TMEM272: variants seen among roughly 807,000 people sequenced by gnomAD.
TMEM272 encodes the protein transmembrane protein 272, also known as long intergenic non-protein coding RNA 282.
A neutral mutation model predicts 3.7 loss-of-function variants in TMEM272; 8 were observed. The ratio of observed to expected loss-of-function variants is 2.17; its 90% CI spans 1.27 to 3.91. The LOEUF is 3.91. TMEM272 is among the 30% of genes most tolerant of loss of function. The pLI is 0.00. For missense variants in TMEM272, 166 were observed against 91.5 expected, an observed-to-expected ratio of 1.81 and a Z score of -3.32; for synonymous variants, 63 against 39.8, an observed-to-expected ratio of 1.58 and a Z score of -2.20.
intron 1 of TMEM272, among the ~76,000 whole-genome samples, chr13:51,839,375 G>A (rs1956242341): frequency 6.6e-6 from 1 of 152,220 alleles, no homozygotes; most frequent in South Asian, 2.1e-4. Context: ...TTGTTCCTGA[G>A]GCTGGGTGTG....
the TMEM272 span, among the ~76,000 whole-genome samples, chr13:51,864,446 G>T: frequency 1.3e-5 from 2 of 152,170 alleles, no homozygotes; most frequent in Non-Finnish European, 2.9e-5. Context: ...CTAGACAATG[G>T]CATTTAGTCT....
intron 2 of TMEM272, among the ~76,000 whole-genome samples, chr13:51,833,785 T>C (rs909700407): frequency 2.0e-5 from 3 of 152,172 alleles, no homozygotes; most frequent in African/African-American, 7.2e-5. Context: ...GTAAGAAATA[T>C]TGGACCCTTC....
the TMEM272 span, among the ~76,000 whole-genome samples, chr13:51,898,303 A>C: frequency 6.6e-6 from 1 of 152,126 alleles, no homozygotes; most frequent in African/African-American, 2.4e-5. Context: ...ATGCAGAAAT[A>C]CAAGAAACTC....
chr13:51,930,537 A>C, the TMEM272 span: 1 of 152,244 alleles, frequency 6.6e-6, no homozygotes, highest in African/African-American at 2.4e-5. Context: ...TCCAATACCA[A>C]ATCAGCTTCC....
intron 1 of TMEM272, among the ~76,000 whole-genome samples, chr13:51,840,958 G>A (rs758603461): frequency 4.6e-5 from 7 of 152,164 alleles, no homozygotes; most frequent in South Asian, 2.1e-4. Context: ...GTGCACATCC[G>A]TTTGTTACAT....
At chr13:51,926,669 G>T in the TMEM272 span, among the ~76,000 whole-genome samples, 1 of 151,668 alleles carries the variant, frequency 6.6e-6, no homozygotes, top group Non-Finnish European at 1.5e-5. Context: ...GTGTGCATGT[G>T]CGCGCACGCA....
At chr13:51,817,197 G>A (rs1956040130) in intron 4 of TMEM272, 84 bp from the exon 5 acceptor site, 2 of 629,092 alleles carry the variant, frequency 3.2e-6, no homozygotes, top group Admixed American at 4.9e-5. Context: ...GCGGTGGTGG[G>A]GTGTTGGCAG....
At chr13:51,880,994 G>T in the TMEM272 span, among the ~76,000 whole-genome samples, 2 of 152,230 alleles carry the variant, frequency 1.3e-5, no homozygotes, top group Admixed American at 1.3e-4. Flanking sequence ...AGAATGTTGG[G>T]AAGAGGTGAC....
chr13:51,865,821 A>G, the TMEM272 span: 4 of 1,614,220 alleles, frequency 2.5e-6, no homozygotes, highest in Non-Finnish European at 3.4e-6. Context: ...AGAGACCGGA[A>G]CCTTCTTCAG....
At chr13:51,833,840 G>A (rs768283756) in intron 2 of TMEM272, among the ~76,000 whole-genome samples, 11 of 152,176 alleles carry the variant, frequency 7.2e-5, no homozygotes, top group Non-Finnish European at 1.5e-4. Context: ...CCTGAAAAGA[G>A]AGGGCAACCT....
At chr13:51,820,832 T>G (rs1490323463) in intron 4 of TMEM272, among the ~76,000 whole-genome samples, 1 of 152,150 alleles carries the variant, frequency 6.6e-6, no homozygotes, top group East Asian at 1.9e-4. Flanking sequence ...CCCAGGTAGA[T>G]CCCATGGGGA....
chr13:51,902,960 C>G, the TMEM272 span, among the ~76,000 whole-genome samples: 1 of 152,242 alleles, frequency 6.6e-6, no homozygotes, highest in African/African-American at 2.4e-5. Flanking sequence ...AAGCAGGTGG[C>G]TGCGGTGAGC....
the TMEM272 span, among the ~76,000 whole-genome samples, chr13:51,931,576 CAT>C: frequency 1.2e-4 from 18 of 152,152 alleles, no homozygotes; most frequent in African/African-American, 4.3e-4. Context: ...CACAATGGCA[CAT>C]GTGTACCTAC....
intron 1 of TMEM272, among the ~76,000 whole-genome samples, chr13:51,839,987 A>T (rs936168310): frequency 6.6e-6 from 1 of 152,236 alleles, no homozygotes; most frequent in Non-Finnish European, 1.5e-5. Flanking sequence ...GTCAGTCCCC[A>T]ACCAGAGGCA....
At chr13:51,837,946 A>C (rs965975413) in intron 2 of TMEM272, among the ~76,000 whole-genome samples, 1 of 152,218 alleles carries the variant, frequency 6.6e-6, no homozygotes, top group African/African-American at 2.4e-5. Context: ...CCATGATGTA[A>C]AAGCTTTCAT....
the TMEM272 span, among the ~76,000 whole-genome samples, chr13:51,880,987 A>T: frequency 6.6e-6 from 1 of 152,226 alleles, no homozygotes; most frequent in Admixed American, 6.5e-5. Flanking sequence ...GTCCTGGAGA[A>T]TGTTGGGAAG....
At chr13:51,859,309 T>C in the TMEM272 span, among the ~76,000 whole-genome samples, 3 of 152,244 alleles carry the variant, frequency 2.0e-5, no homozygotes, top group South Asian at 4.1e-4. Context: ...TTGAAAAGTT[T>C]TGATATAGTC....
chr13:51,912,081 CACTT>C, the TMEM272 span, among the ~76,000 whole-genome samples: 1 of 152,158 alleles, frequency 6.6e-6, no homozygotes, highest in African/African-American at 2.4e-5. Context: ...GGCTCTATCT[CACTT>C]CCTTCCTTCG....
chr13:51,844,217 T>C (rs1956285395), intron 1 of TMEM272, among the ~76,000 whole-genome samples: 1 of 152,098 alleles, frequency 6.6e-6, no homozygotes, highest in Admixed American at 6.5e-5. Flanking sequence ...TATATGTATA[T>C]ATATGTGTGT....
Sources: allele counts gnomAD v4.1 joint callset (sites outside exome capture counted in the v4.1 genomes callset), GRCh38; gene constraint gnomAD v4.1.1; transcripts MANE v1.5; gene names NCBI Gene and HGNC (gene_info 2026-07-23, HGNC 2026-07-21).